Variants in ZFHX3 observed in about 807,000 individuals in gnomAD.
ZFHX3 encodes zinc finger homeobox 3.
In ZFHX3, 42 loss-of-function variants were observed where a neutral mutation model predicts 279.1. That is an observed-to-expected ratio of 0.15 (90% confidence interval 0.12 to 0.19). ZFHX3 has a LOEUF of 0.19. Among genes scored for constraint, ZFHX3 ranks in the 10% least tolerant of loss-of-function variants. The pLI is 1.00. For missense variants in ZFHX3, 4,981 were observed against 4,754.0 expected (o/e 1.05, Z -1.40); for synonymous variants, 2,293 against 1,957.8 (o/e 1.17, Z -4.52).
chr16:73,370,949 T>A (rs1431470045), intron 3 of ZFHX3, among the ~76,000 whole-genome samples: 1 of 152,122 alleles, frequency 6.6e-6, no homozygotes, highest in Non-Finnish European at 1.5e-5. Flanking sequence ...TGCTTGGGAA[T>A]GAAGGGAGCA....
At chr16:73,301,368 C>T (rs1752384656) in intron 4 of ZFHX3, among the ~76,000 whole-genome samples, 1 of 152,154 alleles carries the variant, frequency 6.6e-6, no homozygotes, top group South Asian at 2.1e-4. Flanking sequence ...TTCTTCAGAG[C>T]TTACATCAGG....
intron 3 of ZFHX3, among the ~76,000 whole-genome samples, chr16:73,385,716 G>A (rs2016889348): frequency 6.6e-6 from 1 of 152,222 alleles, no homozygotes; most frequent in African/African-American, 2.4e-5. Flanking sequence ...CCTAATGCCA[G>A]TGCCCCCCAC....
intron 1 of ZFHX3, among the ~76,000 whole-genome samples, chr16:73,692,959 C>G (rs971987406): frequency 1.3e-5 from 2 of 152,160 alleles, no homozygotes; most frequent in Admixed American, 6.5e-5. Context: ...AGATTCTTAA[C>G]AATGAAATTA....
At chr16:73,774,195 T>C (rs1597109024) in intron 1 of ZFHX3, among the ~76,000 whole-genome samples, 1 of 152,178 alleles carries the variant, frequency 6.6e-6, no homozygotes, top group Non-Finnish European at 1.5e-5. Context: ...TACTCATGAC[T>C]CCTTGGTCCA....
At chr16:73,755,183 T>C (rs746063019) in intron 1 of ZFHX3, among the ~76,000 whole-genome samples, 6 of 152,210 alleles carry the variant, frequency 3.9e-5, no homozygotes, top group Non-Finnish European at 7.4e-5. Context: ...CTGATTAATC[T>C]CTAACATCTC....
intron 3 of ZFHX3, among the ~76,000 whole-genome samples, chr16:73,344,817 G>C (rs151201831): frequency 3.0e-4 from 45 of 152,292 alleles, no homozygotes; most frequent in African/African-American, 1.1e-3. Context: ...TCGATGAAGA[G>C]TATGTCAGTA....
At chr16:73,141,106 G>T (rs541478645) in intron 6 of ZFHX3, among the ~76,000 whole-genome samples, 5 of 152,312 alleles carry the variant, frequency 3.3e-5, no homozygotes, top group African/African-American at 9.6e-5. Flanking sequence ...AGTCAAGAAT[G>T]ATTCTGATTC....
chr16:73,869,880 T>C (rs190584468), intron 1 of ZFHX3, among the ~76,000 whole-genome samples: 42 of 152,352 alleles, frequency 2.8e-4, no homozygotes, highest in Non-Finnish European at 5.1e-4. Context: ...AAGTCTCTTA[T>C]ATGTGGAATC....
At chr16:72,820,505 T>C (rs946002711) in intron 5 of ZFHX3, among the ~76,000 whole-genome samples, 1 of 152,224 alleles carries the variant, frequency 6.6e-6, no homozygotes, top group Non-Finnish European at 1.5e-5. Flanking sequence ...TTATAGGCAC[T>C]GGACTGCCAC....
At chr16:73,050,972 T>C (rs996696529), upstream of ZFHX3, among the ~76,000 whole-genome samples, 2 of 152,168 alleles carry the variant, frequency 1.3e-5, no homozygotes, top group African/African-American at 4.8e-5. Flanking sequence ...TAAATTACAA[T>C]GATTCTACCG....
At chr16:73,049,380 G>A (rs1009024148), upstream of ZFHX3, among the ~76,000 whole-genome samples, 4 of 152,184 alleles carry the variant, frequency 2.6e-5, no homozygotes, top group Admixed American at 6.5e-5. Flanking sequence ...CTCATGAGGC[G>A]AAGAGCAGTA....
intron 6 of ZFHX3, among the ~76,000 whole-genome samples, chr16:73,133,965 A>C (rs1310460558): frequency 6.6e-6 from 1 of 152,208 alleles, no homozygotes; most frequent in Non-Finnish European, 1.5e-5. Context: ...TAATTGCTGT[A>C]GTGATAGCCG....
chr16:73,114,811 T>C (rs374564283), intron 7 of ZFHX3, among the ~76,000 whole-genome samples: 13 of 152,332 alleles, frequency 8.5e-5, no homozygotes, highest in African/African-American at 3.1e-4. Context: ...AAAGGATTAC[T>C]GCTATTTCCT....
intron 2 of ZFHX3, among the ~76,000 whole-genome samples, chr16:73,512,555 G>T (rs2019452140): frequency 6.6e-6 from 1 of 151,256 alleles, no homozygotes; most frequent in South Asian, 2.1e-4. Flanking sequence ...GATCTAAAGG[G>T]TATTGGAACA....
chr16:73,407,727 T>C (rs1010327812), intron 3 of ZFHX3, among the ~76,000 whole-genome samples: 2 of 152,226 alleles, frequency 1.3e-5, no homozygotes, highest in Non-Finnish European at 2.9e-5. Flanking sequence ...GACTTTAATC[T>C]TTAATTCATA....
At chr16:73,546,090 C>A (rs1004452947) in intron 2 of ZFHX3, among the ~76,000 whole-genome samples, 2 of 152,142 alleles carry the variant, frequency 1.3e-5, no homozygotes, top group Admixed American at 1.3e-4. Flanking sequence ...AGATTAAAAT[C>A]TTTAATTATA....
intron 8 of ZFHX3, among the ~76,000 whole-genome samples, chr16:73,079,511 T>G (rs897973975): frequency 4.6e-5 from 7 of 152,140 alleles, no homozygotes; most frequent in Admixed American, 1.3e-4. Flanking sequence ...TATTTTTAAT[T>G]TTTTAAAAAT....
At chr16:72,956,831 C>CAA (rs11402709) in intron 2 of ZFHX3, among the ~76,000 whole-genome samples, 19,129 of 148,268 alleles carry the variant, frequency 0.13, 1,766 homozygotes, top group African/African-American at 0.26. Context: ...CAAAAATAAG[C>CAA]AAAAAAAAAA....
At chr16:73,453,106 C>T (rs950252082) in intron 3 of ZFHX3, among the ~76,000 whole-genome samples, 1 of 135,546 alleles carries the variant, frequency 7.4e-6, no homozygotes, top group African/African-American at 2.8e-5. Context: ...AGAGGACAGT[C>T]CCACATCTGA....
Sources: allele counts gnomAD v4.1 joint callset (sites outside exome capture counted in the v4.1 genomes callset), GRCh38; gene constraint gnomAD v4.1.1; transcripts MANE v1.5; gene names NCBI Gene and HGNC (gene_info 2026-07-23, HGNC 2026-07-21).